Variants in PTPRK observed in about 807,000 individuals in gnomAD.
PTPRK encodes receptor-type tyrosine-protein phosphatase kappa.
A neutral mutation model predicts 178.0 loss-of-function variants in PTPRK; 75 were observed. That is an observed-to-expected ratio of 0.42 (90% CI 0.35 to 0.51). PTPRK has a LOEUF of 0.51. PTPRK is among the 20% of genes least tolerant of loss of function. The pLI is 0.02. For synonymous variants in PTPRK, 637 were observed against 620.6 expected (o/e 1.03, Z -0.39); for missense variants, 1,441 against 1,797.8 (o/e 0.80, Z 3.59).
At chr6:128,454,274 C>G (rs1413500676) in intron 1 of PTPRK, among the ~76,000 whole-genome samples, 3 of 152,122 alleles carry the variant, frequency 2.0e-5, no homozygotes, top group Non-Finnish European at 4.4e-5. Context: ...ATCAGCTACC[C>G]AGCCTCTGGT....
chr6:128,339,975 C>G (rs1309012969), intron 2 of PTPRK, among the ~76,000 whole-genome samples: 1 of 151,986 alleles, frequency 6.6e-6, no homozygotes, highest in Non-Finnish European at 1.5e-5. Flanking sequence ...GACTAAAATC[C>G]AAAGGTCAGA....
In PTPRK at chr6:128,286,355, T is replaced by C. The variant is rs1369232733; in HGVS notation, c.495+35684A>G. On this transcript the variant is annotated intron_variant, in intron 3 of 29. Transcript: ENST00000368226. Reference sequence around the variant, plus strand: ...TCTTTTGCTGTGAAACCCAATTACATGTCAGACTACTTGATACTGCCCCAC... The same window carrying C: ...TCTTTTGCTGTGAAACCCAATTACACGTCAGACTACTTGATACTGCCCCAC... Among the ~76,000 whole-genome samples, 3 of 152,316 alleles carry C rather than the reference T, an allele frequency of 2.0e-5. No homozygotes were observed. In the South Asian group the frequency reaches 6.2e-4, roughly 32 times the overall value.
Position 127,991,361 on chromosome 6 carries a change from C to T in PTPRK, c.2912G>A (p.Trp971Ter). The stretch of plus-strand genomic sequence containing the variant: ...AGATTGTTCTTGCCAAATCATCCTC[C>T]AGAAATCATACACTGTTTCATGAAC... Reference protein sequence around the residue: ...GPVHETVYDFWRMIWQEQSAC... With the variant: ...GPVHETVYDF Residue 971 changes from tryptophan to a stop codon, truncating the protein, a stop_gained, in exon 20 of 30, where the codon TGG (tryptophan) becomes TAG (stop). Coordinates refer to ENST00000368226, the MANE Select transcript of PTPRK (RefSeq NM_002844.4). LOFTEE classifies it high-confidence loss of function. 6.2e-7 allele frequency: 1 copy of T among 1,600,686 alleles called. No individual in the cohort carries two copies. The highest frequency in any genetic ancestry group is 8.5e-7 in the Non-Finnish European group (1 of 1,173,732).
intron 7 of PTPRK, among the ~76,000 whole-genome samples, chr6:128,115,058 C>T (rs1336593657): frequency 6.6e-6 from 1 of 152,050 alleles, no homozygotes; most frequent in Non-Finnish European, 1.5e-5. Flanking sequence ...CACTCCTCTA[C>T]TCTCTGTCAC....
chr6:128,345,665 C>A (rs1425413632), intron 2 of PTPRK, among the ~76,000 whole-genome samples: 2 of 152,178 alleles, frequency 1.3e-5, no homozygotes, highest in East Asian at 3.8e-4. Context: ...TCCTCCAATG[C>A]AGTCCAGAAT....
At chr6:128,372,701 A>G (rs1250115643) in intron 2 of PTPRK, among the ~76,000 whole-genome samples, 1 of 152,174 alleles carries the variant, frequency 6.6e-6, no homozygotes, top group Non-Finnish European at 1.5e-5. Flanking sequence ...TTAAGTGCCC[A>G]CACATGATAC....
At chr6:128,514,370 ATG>A (rs146438569) in intron 1 of PTPRK, among the ~76,000 whole-genome samples, 2,284 of 147,822 alleles carry the variant, frequency 0.015, 27 homozygotes, top group Middle Eastern at 0.022. Flanking sequence ...CATTGTTAAG[ATG>A]TGTGTGTGTG....
At chr6:128,146,166 G>A (rs944917662) in intron 7 of PTPRK, among the ~76,000 whole-genome samples, 1 of 152,150 alleles carries the variant, frequency 6.6e-6, no homozygotes, top group African/African-American at 2.4e-5. Context: ...CAGTGGCACT[G>A]CAGGATGGGA....
chr6:128,316,709 CTTTTTTT>C lies in PTPRK; in HGVS notation c.495+5323_495+5329del, dbSNP rs11296650. 6.0e-5 allele frequency among the ~76,000 whole-genome samples: 8 copies of C among 133,484 alleles called. No individual in the cohort carries two copies. The South Asian group carries it at 1.5e-3, about 24-fold the overall frequency. 87.6% of individuals were successfully genotyped at this position (133,484 alleles called of 152,430 possible). On this transcript the variant is annotated intron_variant, in intron 3 of 29. Transcript: ENST00000368226. ...ACCTTCACAGGGTTCTAAGCTTTTT[CTTTTTTT>C]TTTTTTTTTTTTTAAATTTGAGACA...
chr6:128,011,363 T>A (rs958542079), intron 13 of PTPRK, among the ~76,000 whole-genome samples: 1 of 151,222 alleles, frequency 6.6e-6, no homozygotes, highest in African/African-American at 2.4e-5. Flanking sequence ...GAATTAAATG[T>A]TTCTGAAAAT....
chr6:128,486,841 A>G (rs117612825), intron 1 of PTPRK, among the ~76,000 whole-genome samples: 2,211 of 149,640 alleles, frequency 0.015, 24 homozygotes, highest in Non-Finnish European at 0.023. Context: ...AGGAAGGAAG[A>G]AAGGAAAAAA....
At chr6:128,042,926 T>A (rs977526411) in intron 13 of PTPRK, among the ~76,000 whole-genome samples, 13 of 152,040 alleles carry the variant, frequency 8.6e-5, no homozygotes, top group African/African-American at 3.1e-4. Flanking sequence ...TGCTCTGACA[T>A]AAATGTCTAT....
At chr6:128,286,136 T>C (rs1161373747) in intron 3 of PTPRK, among the ~76,000 whole-genome samples, 1 of 152,118 alleles carries the variant, frequency 6.6e-6, no homozygotes, top group Non-Finnish European at 1.5e-5. Flanking sequence ...ATCCTGTCTT[T>C]TTTCTCTAAC....
intron 13 of PTPRK, among the ~76,000 whole-genome samples, chr6:128,011,420 A>T (rs1381204171): frequency 6.6e-6 from 1 of 151,178 alleles, no homozygotes; most frequent in Non-Finnish European, 1.5e-5. Flanking sequence ...ATTTTTCATA[A>T]CAGTTTAATT....
At chr6:128,213,926 T>G (rs1808731259) in intron 6 of PTPRK, among the ~76,000 whole-genome samples, 1 of 152,116 alleles carries the variant, frequency 6.6e-6, no homozygotes. Flanking sequence ...ACAATTGTCA[T>G]CATCACTTCC....
intron 1 of PTPRK, among the ~76,000 whole-genome samples, chr6:128,433,363 T>A (rs954002705): frequency 6.6e-6 from 1 of 152,194 alleles, no homozygotes; most frequent in African/African-American, 2.4e-5. Flanking sequence ...CACATGTGAA[T>A]GAGAACATGT....
chr6:128,355,958 TG>T (rs1833902917), intron 2 of PTPRK, among the ~76,000 whole-genome samples: 1 of 152,210 alleles, frequency 6.6e-6, no homozygotes, highest in Non-Finnish European at 1.5e-5. Flanking sequence ...TTTCTGAAAT[TG>T]TTAAAAATCA....
At chr6:128,093,148 C>A (rs952350829) in intron 7 of PTPRK, among the ~76,000 whole-genome samples, 1 of 152,150 alleles carries the variant, frequency 6.6e-6, no homozygotes, top group Non-Finnish European at 1.5e-5. Flanking sequence ...TGCTCCTCCT[C>A]AATTTCCGAT....
intron 16 of PTPRK, among the ~76,000 whole-genome samples, chr6:127,998,208 T>C (rs1026896936): frequency 6.6e-6 from 1 of 152,054 alleles, no homozygotes; most frequent in Admixed American, 6.6e-5. Context: ...AGATTTGCAG[T>C]GCTCTATTTT....
Sources: gnomAD v4.1 joint callset for allele counts (sites outside exome capture counted in the v4.1 genomes callset) on GRCh38, gnomAD v4.1.1 for gene constraint, MANE v1.5 for transcripts, NCBI Gene and HGNC (gene_info 2026-07-23, HGNC 2026-07-21) for gene names.